The following ERG variants were observed in gnomAD, a reference collection of about 807,000 sequenced individuals.
The protein encoded by ERG is ETS transcription factor ERG, also known as transcriptional regulator ERG.
ERG carries 9 observed loss-of-function variants against 55.3 expected under a neutral mutation model. The observed-to-expected ratio is 0.16, with a 90% CI of 0.10 to 0.28. The LOEUF is 0.28. ERG is among the 10% of genes least tolerant of loss of function. ERG has a pLI of 1.00. For missense variants in ERG, 434 were observed against 631.6 expected (o/e 0.69, Z 3.35); for synonymous variants, 223 against 237.3 (o/e 0.94, Z 0.55).
chr21:38,601,737 T>C (rs8128701), intron 1 of ERG, among the ~76,000 whole-genome samples: 10,870 of 152,218 alleles, frequency 0.071, 685 homozygotes, highest in African/African-American at 0.17. Flanking sequence ...GATAACAGTT[T>C]TCTCCTACAT....
At chr21:38,648,306 T>C (rs903355500) in intron 1 of ERG, among the ~76,000 whole-genome samples, 6 of 152,230 alleles carry the variant, frequency 3.9e-5, no homozygotes, top group African/African-American at 1.2e-4. Flanking sequence ...GTATTTCAAA[T>C]GGGGCCGCGA....
chr21:38,368,514 A>G, the ERG span, among the ~76,000 whole-genome samples: 1 of 152,218 alleles, frequency 6.6e-6, no homozygotes, highest in African/African-American at 2.4e-5. Context: ...TATATGCATG[A>G]CCCAATCACC....
At chr21:38,556,489 T>C (rs776715558) in intron 2 of ERG, among the ~76,000 whole-genome samples, 1 of 152,178 alleles carries the variant, frequency 6.6e-6, no homozygotes. Context: ...ATCACATTTC[T>C]GCAGCCTTTT....
intron 3 of ERG, 130 bp downstream of exon 3, chr21:38,423,280 T>G (rs3746880): frequency 0.42 from 398,581 of 944,218 alleles, 86,592 homozygotes; most frequent in East Asian, 0.53. Flanking sequence ...CAGCTCCCAT[T>G]TACAAGCCCT....
chr21:38,514,907 C>T (rs891699967), intron 2 of ERG, among the ~76,000 whole-genome samples: 1 of 151,956 alleles, frequency 6.6e-6, no homozygotes, highest in African/African-American at 2.4e-5. Flanking sequence ...TTGCTAGATA[C>T]AAGGTCAATA....
chr21:38,537,443 T>A (rs4318465), intron 2 of ERG, among the ~76,000 whole-genome samples: 780 of 48,530 alleles, frequency 0.016, 11 homozygotes, highest in East Asian at 0.057. Flanking sequence ...GAAAAAAAAA[T>A]ATATATATAT....
At chr21:38,406,467 G>T (rs992989615) in intron 3 of ERG, among the ~76,000 whole-genome samples, 31 of 152,062 alleles carry the variant, frequency 2.0e-4, no homozygotes, top group African/African-American at 6.5e-4. Flanking sequence ...CTACAAAAAT[G>T]GATCATACTG....
At chr21:38,594,563 G>A (rs1011491152) in intron 1 of ERG, among the ~76,000 whole-genome samples, 1 of 152,180 alleles carries the variant, frequency 6.6e-6, no homozygotes, top group Non-Finnish European at 1.5e-5. Context: ...TGCCTTGCAG[G>A]AGAGGAAGGC....
intron 6 of ERG, among the ~76,000 whole-genome samples, chr21:38,394,384 G>A (rs547123832): frequency 6.7e-6 from 1 of 150,232 alleles, no homozygotes; most frequent in East Asian, 2.0e-4. Flanking sequence ...GTGGAGTCTC[G>A]CTCTGTCCCC....
chr21:38,635,430 G>A (rs567118145), intron 1 of ERG, among the ~76,000 whole-genome samples: 2 of 151,958 alleles, frequency 1.3e-5, no homozygotes, highest in African/African-American at 2.4e-5. Flanking sequence ...ACACTAAAAA[G>A]CAAAAACAAT....
intron 1 of ERG, among the ~76,000 whole-genome samples, chr21:38,610,480 C>G (rs1195104137): frequency 6.6e-6 from 1 of 152,236 alleles, no homozygotes; most frequent in Non-Finnish European, 1.5e-5. Flanking sequence ...GCATTCAGCT[C>G]TTTCATTAGT....
chr21:38,576,990 C>T (rs1026044568), intron 1 of ERG, among the ~76,000 whole-genome samples: 2 of 152,164 alleles, frequency 1.3e-5, no homozygotes, highest in African/African-American at 4.8e-5. Context: ...CTAAAAATGC[C>T]TTTTTTAGTT....
At chr21:38,437,780 C>A (rs983421757) in intron 2 of ERG, among the ~76,000 whole-genome samples, 1 of 152,124 alleles carries the variant, frequency 6.6e-6, no homozygotes, top group African/African-American at 2.4e-5. Flanking sequence ...ACCCAGGATG[C>A]GACTGCCTCT....
intron 2 of ERG, among the ~76,000 whole-genome samples, chr21:38,530,317 C>T (rs1411624113): frequency 6.6e-6 from 1 of 152,140 alleles, no homozygotes; most frequent in African/African-American, 2.4e-5. Context: ...GCCTCGGCCT[C>T]CCAAAGTGCC....
intron 1 of ERG, among the ~76,000 whole-genome samples, chr21:38,613,286 A>G (rs1268250765): frequency 6.6e-6 from 1 of 152,376 alleles, no homozygotes; most frequent in East Asian, 1.9e-4. Context: ...TTTCTGAACG[A>G]AAGTTAGCAC....
intron 2 of ERG, among the ~76,000 whole-genome samples, chr21:38,570,483 TCAGA>T (rs1223140639): frequency 2.6e-5 from 4 of 152,240 alleles, no homozygotes; most frequent in African/African-American, 7.2e-5. Flanking sequence ...TCCATAGGTA[TCAGA>T]GACAGGATGA....
At chr21:38,643,266 G>A (rs768385564) in intron 1 of ERG, among the ~76,000 whole-genome samples, 3 of 152,112 alleles carry the variant, frequency 2.0e-5, no homozygotes, top group Non-Finnish European at 2.9e-5. Context: ...TCCAAAATTA[G>A]GTTTTACTAC....
intron 1 of ERG, among the ~76,000 whole-genome samples, chr21:38,640,440 A>T (rs2060416965): frequency 6.6e-6 from 1 of 152,110 alleles, no homozygotes; most frequent in Non-Finnish European, 1.5e-5. Flanking sequence ...CCCAAATCTC[A>T]TCTTAAATTG....
intron 1 of ERG, chr21:38,470,651 A>G (rs1335751065): frequency 2.0e-5 from 3 of 152,212 alleles, no homozygotes; most frequent in East Asian, 1.9e-4. Context: ...TTATAATTAC[A>G]TTTGTCAAAC....
Sources: allele counts gnomAD v4.1 joint callset (sites outside exome capture counted in the v4.1 genomes callset), GRCh38; gene constraint gnomAD v4.1.1; transcripts MANE v1.5; gene names NCBI Gene and HGNC (gene_info 2026-07-23, HGNC 2026-07-21).